The following PABPC4 variants were observed in gnomAD, a reference collection of about 807,000 sequenced individuals.
The protein encoded by PABPC4 is poly(A) binding protein cytoplasmic 4.
In PABPC4, 15 loss-of-function variants were observed where a neutral mutation model predicts 74.5. That is an observed-to-expected ratio of 0.20 (90% CI 0.13 to 0.31). The LOEUF (loss-of-function observed/expected upper bound fraction) is 0.31. PABPC4 is among the 10% of genes least tolerant of loss of function. The probability of loss-of-function intolerance (pLI) is 1.00; values close to 1 mark genes in which losing one functional copy is unlikely to be tolerated. For synonymous variants in PABPC4, 345 were observed against 303.0 expected, an observed-to-expected ratio of 1.14 and a Z score of -1.44; for missense variants, 610 against 853.5, an observed-to-expected ratio of 0.71 and a Z score of 3.55.
chr1:39,569,867 C>G lies in PABPC4; in HGVS notation c.639G>C (p.Gln213His). ...DDESLKELFSQFGKTLSVKVM... is the reference protein window; with the variant it reads ...DDESLKELFSHFGKTLSVKVM... ...AGACAAGGAACCCCAACTTACCAAA[C>G]TGACTGAATAGCTCTTTCAGACTCT... The change falls in exon 4 of 16, where the codon CAG (glutamine) becomes CAC (histidine). Residue 213 changes from glutamine to histidine, a missense_variant. Gln to His is a conservative substitution (Grantham distance 24, BLOSUM62 0). This residue lies in a region of PABPC4 where 304 missense variants were observed against 478.9 expected (regional missense o/e 0.63). Coordinates refer to ENST00000372858, the MANE Select transcript of PABPC4 (RefSeq NM_001135653.2). 6.2e-7 allele frequency: 1 copy of G among 1,613,912 alleles called. No homozygotes were observed. The highest frequency in any genetic ancestry group is 8.5e-7 in the Non-Finnish European group (1 of 1,179,938).
rs1164658685 is a variant in PABPC4, at chr1:39,563,761, C to T, written c.1541-20G>A. 2 of 1,613,710 alleles carry T rather than the reference C, an allele frequency of 1.2e-6. No individual in the cohort carries two copies. Among genetic ancestry groups the T allele is most frequent in the Non-Finnish European group, 8.5e-7 (1 of 1,179,650 alleles). ...GAACGCCTTAGGGAAAGAACAAATA[C>T]AATTAAAGCCCATCAGTCTGGGCAA... is the stretch of plus-strand genomic sequence containing the variant. On this transcript the variant is annotated intron_variant, in intron 11 of 15. Coordinates refer to ENST00000372858, the MANE Select transcript of PABPC4 (RefSeq NM_001135653.2).
At chr1:39,575,621 A>T (rs556863401) in intron 1 of PABPC4, 138 bp downstream of exon 1, 2 of 646,598 alleles carry the variant, frequency 3.1e-6, no homozygotes, top group Non-Finnish European at 5.1e-6. Context: ...CCGCGTTCTC[A>T]ATCTCCGCAC....
intron 12 of PABPC4, 70 bp downstream of exon 12, chr1:39,563,544 A>T (rs749898779): frequency 7.5e-5 from 117 of 1,557,956 alleles, no homozygotes; most frequent in Admixed American, 9.1e-5. Flanking sequence ...AGGAATCAAA[A>T]GCACAGCTTC....
rs1312054020 is a variant in PABPC4 at position 39,567,799 on chromosome 1, C to T, written c.924G>A (p.Glu308=). 7.5e-6 allele frequency: 12 copies of T among 1,601,670 alleles called. No individual in the cohort carries two copies. Among genetic ancestry groups the T allele is most frequent in the Non-Finnish European group, 8.6e-6 (10 of 1,168,792 alleles). The change falls in exon 7 of 16, where the codon GAG becomes GAA. Residue 308 remains glutamate (E), a synonymous_variant. Transcript: ENST00000372858. The part of the protein sequence containing the change: ...IKNLDDTIDD[E]KLRKEFSPFG... ...AAGGAGAAAATTCTTTCCTTAATTTCTCATCATCAATAGTGTCATCCAAGT... is the reference window on the plus strand; with the variant it reads ...AAGGAGAAAATTCTTTCCTTAATTTTTCATCATCAATAGTGTCATCCAAGT...
At chr1:39,564,951 G>T (rs1645814636) in intron 8 of PABPC4, among the ~76,000 whole-genome samples, 155 bp downstream of exon 8, 1 of 152,216 alleles carries the variant, frequency 6.6e-6, no homozygotes, top group South Asian at 2.1e-4. Context: ...CTGTGGGTGT[G>T]TGTTTGTGAC....
chr1:39,562,057 C>T lies in PABPC4; in HGVS notation c.1893+16G>A, dbSNP rs1412445767. 2 of 1,611,538 alleles carry T rather than the reference C, an allele frequency of 1.2e-6. No homozygotes were observed. Among genetic ancestry groups the T allele is most frequent in the Non-Finnish European group, 1.7e-6 (2 of 1,179,358 alleles). The stretch of plus-strand genomic sequence containing the variant: ...AAGCTGAGAACTGAAGCTGCAGGGT[C>T]TGAGCCCCAGCTCACCTTGGAGCGG... On this transcript the variant is annotated intron_variant, in intron 14 of 15. Transcript: ENST00000372858.
At chr1:39,567,302 CTTTT>C in intron 7 of PABPC4, 1 of 460,658 alleles carries the variant, frequency 2.2e-6, no homozygotes, top group Admixed American at 2.4e-5. Flanking sequence ...CCTTTCCTCT[CTTTT>C]TAAGACCAGG....
rs929812201 is a variant in PABPC4 at position 39,565,127 on chromosome 1, G to A, written c.1224C>T (p.Tyr408=). 1.9e-6 allele frequency: 3 copies of A among 1,613,910 alleles called. No homozygotes were observed. The Admixed American group carries it at 5.0e-5, about 27-fold the overall frequency. The change falls in exon 8 of 16, where the codon TAC becomes TAT. Residue 408 remains tyrosine (Y), a synonymous_variant. Coordinates refer to ENST00000372858, the MANE Select transcript of PABPC4 (RefSeq NM_001135653.2). ...LNQFQPAAGG[Y]FVPAVPQAQG... ...CCACCTGTGGGACTGCTGGCACAAAGTAGCCACCCGCTGCAGGCTGGAACT... is the reference window on the plus strand; with the variant it reads ...CCACCTGTGGGACTGCTGGCACAAAATAGCCACCCGCTGCAGGCTGGAACT...
intron 3 of PABPC4, among the ~76,000 whole-genome samples, chr1:39,570,871 G>A (rs910428461): frequency 6.6e-6 from 1 of 152,232 alleles, no homozygotes; most frequent in African/African-American, 2.4e-5. Context: ...CACACTGCTA[G>A]TATACAGCTC....
At chr1:39,566,829 G>A (rs991456004) in intron 7 of PABPC4, among the ~76,000 whole-genome samples, 1 of 152,128 alleles carries the variant, frequency 6.6e-6, no homozygotes, top group South Asian at 2.1e-4. Flanking sequence ...GTCAAGGGGG[G>A]GGTCATAGCA....
rs1645769159 is a variant in PABPC4, at chr1:39,561,525, T to C, written c.*13+160A>G. On this transcript the variant is annotated intron_variant, in intron 15 of 15. Coordinates refer to ENST00000372858, the MANE Select transcript of PABPC4 (RefSeq NM_001135653.2). Reference sequence around the variant, plus strand: ...CTGCAGACAAAGTCCACAGTCCTCATGATAAGAAGTCACCTGCAACACACT... The same window carrying C: ...CTGCAGACAAAGTCCACAGTCCTCACGATAAGAAGTCACCTGCAACACACT... 6.5e-6 allele frequency: 4 copies of C among 613,774 alleles called. No homozygotes were observed. In the South Asian group the frequency reaches 8.0e-5, roughly 12 times the overall value. 38.0% of individuals were successfully genotyped at this position (613,774 alleles called of 1,614,324 possible).
intron 7 of PABPC4, chr1:39,567,406 G>C: frequency 1.9e-6 from 1 of 527,270 alleles, no homozygotes; most frequent in Non-Finnish European, 3.8e-6. Context: ...CAGGCCCCAA[G>C]ACAAATGGAA....
chr1:39,564,428 C>A lies in PABPC4; in HGVS notation c.1448G>T (p.Arg483Ile). The A allele has an allele frequency of 6.2e-7, 1 of 1,613,806 alleles. No homozygotes were observed. The highest frequency in any genetic ancestry group is 8.5e-7 in the Non-Finnish European group (1 of 1,179,960). The change falls in exon 10 of 16, where the codon AGA (arginine) becomes ATA (isoleucine). Residue 483 changes from arginine (R) to isoleucine (I), a missense_variant. Arg to Ile is a moderately conservative substitution (Grantham distance 97). Around this residue, in one of 4 missense-constraint regions of PABPC4, gnomAD observed 277 missense variants for 301.8 expected, o/e 0.92. Coordinates refer to ENST00000372858, the MANE Select transcript of PABPC4 (RefSeq NM_001135653.2). ...CTAAAGGCCAGTTTGCTCACCGACT[C>A]TCTGAGTGGTAGTAGGGAGGCCACG... is the stretch of plus-strand genomic sequence containing the variant. ...ASRGLPTTTQ[R>I]VGSECPDRLA...
At chr1:39,564,399 A>C in intron 10 of PABPC4, 24 bp downstream of exon 10, 1 of 1,611,196 alleles carries the variant, frequency 6.2e-7, no homozygotes, top group East Asian at 2.2e-5. Context: ...CCCAGGCCAC[A>C]CTTCTAAAGG....
rs374778767 is a variant in PABPC4, at chr1:39,568,943, G to C, written c.739-4C>G. On this transcript the variant is annotated splice_polypyrimidine_tract_variant and splice_region_variant and intron_variant, in intron 5 of 15. Transcript: ENST00000372858. The stretch of plus-strand genomic sequence containing the variant: ...TTCCATTCATCTCTTCCACAGCCTA[G>C]AGAGGAAAAATATGTCTTTAAAATA... The C allele has an allele frequency of 3.7e-6, 6 of 1,607,002 alleles. No individual in the cohort carries two copies. Among genetic ancestry groups the C allele is most frequent in the Middle Eastern group, 1.7e-4 (1 of 6,060 alleles).
At chr1:39,561,188 T>G in intron 15 of PABPC4, 66 bp from the exon 16 acceptor site, 1 of 463,816 alleles carries the variant, frequency 2.2e-6, no homozygotes, top group Non-Finnish European at 4.4e-6. Flanking sequence ...TAACATATAG[T>G]GGATAAAGGA....
chr1:39,571,438 T>C, intron 2 of PABPC4, 89 bp from the exon 3 acceptor site: 1 of 1,518,026 alleles, frequency 6.6e-7, no homozygotes, highest in Non-Finnish European at 9.1e-7. Context: ...GAGGAGACTC[T>C]AGCCCATCCA....
intron 1 of PABPC4, among the ~76,000 whole-genome samples, chr1:39,574,571 G>A (rs1645989475): frequency 6.6e-6 from 1 of 152,176 alleles, no homozygotes; most frequent in African/African-American, 2.4e-5. Context: ...AGCTACCTTT[G>A]CGCTCCTATG....
intron 1 of PABPC4, 106 bp downstream of exon 1, chr1:39,575,653 A>C: frequency 1.1e-6 from 1 of 890,174 alleles, no homozygotes; most frequent in Admixed American, 3.3e-5. Context: ...CTTCGGTGGC[A>C]ACATGCTGTC....
Sources: gnomAD v4.1 joint callset for allele counts (sites outside exome capture counted in the v4.1 genomes callset) on GRCh38, gnomAD v4.1.1 for gene constraint, gnomAD v4.1.1 regional missense constraint, MANE v1.5 for transcripts, NCBI Gene and HGNC (gene_info 2026-07-23, HGNC 2026-07-21) for gene names.